The following UBQLN1 variants were observed in gnomAD, a reference collection of about 807,000 sequenced individuals.
UBQLN1 encodes ubiquilin-1.
A neutral mutation model predicts 65.4 loss-of-function variants in UBQLN1; 13 were observed. That is an observed-to-expected ratio of 0.20 (90% confidence interval 0.13 to 0.32). The LOEUF (loss-of-function observed/expected upper bound fraction) is 0.32. Ranked by LOEUF, UBQLN1 falls within the 10% of genes least tolerant of loss-of-function variation. UBQLN1 has a pLI of 1.00. For synonymous variants in UBQLN1, 267 were observed against 247.8 expected, an observed-to-expected ratio of 1.08 and a Z score of -0.73; for missense variants, 561 against 724.0, an observed-to-expected ratio of 0.77 and a Z score of 2.58.
chr9:83,683,414 CAAAAAAAAAA>C (rs766459859), intron 2 of UBQLN1, among the ~76,000 whole-genome samples: 29 of 70,952 alleles, frequency 4.1e-4, no homozygotes, highest in Non-Finnish European at 6.5e-4. Flanking sequence ...GACTCCGTCT[CAAAAAAAAAA>C]AAAAAAAAAA....
Position 83,679,691 on chromosome 9 carries a change from C to T in UBQLN1, c.711+84G>A, listed in dbSNP as rs1014664746. 3 of 1,437,724 alleles carry T rather than the reference C, an allele frequency of 2.1e-6. No individual in the cohort carries two copies. In the African/African-American group the frequency reaches 4.2e-5, roughly 20 times the overall value. The allele number at this position is 1,437,724 out of a possible 1,614,324, so 89.1% of individuals were successfully genotyped here. A position where few individuals can be genotyped will look rare whatever the true frequency, so the allele number is the denominator to read the frequency against. On this transcript the variant is annotated intron_variant, in intron 4 of 10. Transcript: ENST00000376395. Reference sequence around the variant, plus strand: ...TCTCTCTTTAGCTTAACCATACATACAGGACAATCTCATTAACCACAGAAA... The same window carrying T: ...TCTCTCTTTAGCTTAACCATACATATAGGACAATCTCATTAACCACAGAAA...
chr9:83,682,748 G>A (rs1437730447), intron 3 of UBQLN1, among the ~76,000 whole-genome samples: 2 of 151,528 alleles, frequency 1.3e-5, no homozygotes, highest in East Asian at 3.9e-4. Flanking sequence ...TCATTAAAAA[G>A]AAAGGCGCCA....
intron 2 of UBQLN1, among the ~76,000 whole-genome samples, chr9:83,683,461 G>A (rs1257706300): frequency 7.0e-6 from 1 of 143,520 alleles, no homozygotes; most frequent in East Asian, 2.0e-4. Flanking sequence ...CTGACATCTA[G>A]AAATAAAGGG....
chr9:83,683,577 T>C (rs1289700735), intron 2 of UBQLN1, among the ~76,000 whole-genome samples: 2 of 152,040 alleles, frequency 1.3e-5, no homozygotes, highest in East Asian at 1.9e-4. Flanking sequence ...AAATACAAAA[T>C]ATGCTGCAAT....
intron 1 of UBQLN1, 137 bp downstream of exon 1, chr9:83,707,363 T>C: frequency 1.0e-6 from 1 of 952,794 alleles, no homozygotes; most frequent in Non-Finnish European, 1.5e-6. Flanking sequence ...AACTTGGGTG[T>C]GATCTAATTT....
chr9:83,686,765 C>T (rs567497977), intron 1 of UBQLN1, among the ~76,000 whole-genome samples: 2 of 152,044 alleles, frequency 1.3e-5, no homozygotes, highest in East Asian at 1.9e-4. Context: ...AATGCAAATA[C>T]CCCAAATATG....
chr9:83,684,098 T>C (rs187873813), intron 2 of UBQLN1, among the ~76,000 whole-genome samples: 94 of 152,242 alleles, frequency 6.2e-4, no homozygotes, highest in Middle Eastern at 6.8e-3. Flanking sequence ...TATGAGCCAG[T>C]TTTACTCTGG....
intron 1 of UBQLN1, among the ~76,000 whole-genome samples, chr9:83,703,631 T>C (rs1009761496): frequency 2.0e-5 from 3 of 152,188 alleles, no homozygotes; most frequent in African/African-American, 7.2e-5. Context: ...GACAGCACCT[T>C]GGAATGTACA....
At position 83,678,718 on chromosome 9, in the gene UBQLN1, GTTTTT is replaced by G. The variant is rs921851870; in HGVS notation, c.712-124_712-120del. ...TTATGGGAGGCCACTGTTTTGTTTT[GTTTTT>G]TTAATTTTTTTGAGACGGAGTCTTG... On this transcript the variant is annotated intron_variant, in intron 4 of 10. Transcript: ENST00000376395. 6 of 1,158,904 alleles carry G rather than the reference GTTTTT, an allele frequency of 5.2e-6. No individual in the cohort carries two copies. In the Admixed American group the frequency reaches 9.5e-5, roughly 18 times the overall value. 71.8% of individuals were successfully genotyped at this position (1,158,904 alleles called of 1,614,324 possible).
At chr9:83,704,501 C>T (rs540841975) in intron 1 of UBQLN1, among the ~76,000 whole-genome samples, 52 of 148,726 alleles carry the variant, frequency 3.5e-4, no homozygotes, top group Admixed American at 2.8e-3. Flanking sequence ...GAAAAGGCTA[C>T]TTCAGAAAGA....
intron 3 of UBQLN1, among the ~76,000 whole-genome samples, chr9:83,682,716 T>C (rs983464184): frequency 3.3e-5 from 5 of 152,172 alleles, no homozygotes; most frequent in Non-Finnish European, 7.3e-5. Flanking sequence ...AGATCAGGTA[T>C]ACACAAACTA....
chr9:83,687,385 A>G (rs1832057156), intron 1 of UBQLN1, among the ~76,000 whole-genome samples: 1 of 152,214 alleles, frequency 6.6e-6, no homozygotes, highest in African/African-American at 2.4e-5. Context: ...TCCAAATAGG[A>G]AAGCTTCAGA....
At chr9:83,667,093 A>G (rs1317418910) in intron 7 of UBQLN1, 4 of 152,222 alleles carry the variant, frequency 2.6e-5, no homozygotes, top group Non-Finnish European at 4.4e-5. Context: ...TGAGAACACC[A>G]AGATTAGCAT....
intron 1 of UBQLN1, among the ~76,000 whole-genome samples, chr9:83,697,733 C>CT (rs35319221): frequency 0.067 from 6,564 of 98,296 alleles, 685 homozygotes; most frequent in African/African-American, 0.22. Flanking sequence ...TTTTTGTACC[C>CT]TTTTTTTTTT....
chr9:83,676,479 A>T (rs1831834327), intron 6 of UBQLN1, among the ~76,000 whole-genome samples: 1 of 152,156 alleles, frequency 6.6e-6, no homozygotes, highest in Admixed American at 6.5e-5. Context: ...GAACATTGCA[A>T]CCCTCTCAAA....
chr9:83,696,574 G>A, intron 1 of UBQLN1, among the ~76,000 whole-genome samples: 1 of 151,958 alleles, frequency 6.6e-6, no homozygotes, highest in East Asian at 1.9e-4. Flanking sequence ...AGGAGATCAA[G>A]GTTGCAGTGA....
At chr9:83,687,429 C>G (rs1439526638) in intron 1 of UBQLN1, among the ~76,000 whole-genome samples, 1 of 152,154 alleles carries the variant, frequency 6.6e-6, no homozygotes, top group African/African-American at 2.4e-5. Context: ...AAGACTGGCT[C>G]AAGAAATCAG....
chr9:83,664,968 T>G, intron 9 of UBQLN1, 62 bp downstream of exon 9: 4 of 580,840 alleles, frequency 6.9e-6, no homozygotes, highest in Non-Finnish European at 8.6e-6. Context: ...TAATACTAAA[T>G]CTGAAATTCT....
intron 1 of UBQLN1, among the ~76,000 whole-genome samples, chr9:83,700,664 T>C (rs1420224087): frequency 6.6e-6 from 1 of 152,132 alleles, no homozygotes; most frequent in Non-Finnish European, 1.5e-5. Flanking sequence ...GGAAAAGGAA[T>C]GGGCAAAGAG....
Sources: gnomAD v4.1 joint callset for allele counts (sites outside exome capture counted in the v4.1 genomes callset) on GRCh38, gnomAD v4.1.1 for gene constraint, MANE v1.5 for transcripts, NCBI Gene and HGNC (gene_info 2026-07-23, HGNC 2026-07-21) for gene names.